The following CTDSPL2 variants were observed in gnomAD, a reference collection of about 807,000 sequenced individuals.
CTDSPL2 encodes CTD small phosphatase-like protein 2.
Under a neutral mutation model 60.0 loss-of-function variants are expected in CTDSPL2, and 5 were observed. The observed-to-expected ratio is 0.08, with a 90% confidence interval of 0.04 to 0.18. The LOEUF (loss-of-function observed/expected upper bound fraction) is 0.18. Among genes scored for constraint, CTDSPL2 ranks in the 10% least tolerant of loss-of-function variants. CTDSPL2 has a pLI of 1.00. For synonymous variants in CTDSPL2, 186 were observed against 189.3 expected (o/e 0.98, Z 0.14); for missense variants, 370 against 548.8 (o/e 0.67, Z 3.26).
intron 2 of CTDSPL2, among the ~76,000 whole-genome samples, chr15:44,461,386 T>C (rs2080565538): frequency 6.6e-6 from 1 of 152,114 alleles, no homozygotes; most frequent in Non-Finnish European, 1.5e-5. Context: ...GTGTATTCTA[T>C]ACTGTATTCT....
At chr15:44,443,317 A>G (rs768701649) in intron 1 of CTDSPL2, among the ~76,000 whole-genome samples, 1 of 152,220 alleles carries the variant, frequency 6.6e-6, no homozygotes, top group African/African-American at 2.4e-5. Flanking sequence ...ATTGGTGGAC[A>G]CTTCGATTGC....
chr15:44,479,369 G>GT (rs1338457886), intron 2 of CTDSPL2, among the ~76,000 whole-genome samples: 3 of 132,034 alleles, frequency 2.3e-5, no homozygotes, highest in Non-Finnish European at 3.3e-5. Context: ...TAGTTTCTGA[G>GT]TTTTTCTTCC....
At chr15:44,465,548 T>G (rs1292714208) in intron 2 of CTDSPL2, among the ~76,000 whole-genome samples, 1 of 152,134 alleles carries the variant, frequency 6.6e-6, no homozygotes, top group Non-Finnish European at 1.5e-5. Flanking sequence ...TCTGTTTTGT[T>G]TCTTCTTCTA....
chr15:44,448,419 T>C, intron 1 of CTDSPL2: 1 of 247,730 alleles, frequency 4.0e-6, no homozygotes, highest in South Asian at 5.2e-5. Flanking sequence ...GGCCCAGGCC[T>C]GGACTCATGC....
chr15:44,433,459 T>C lies in CTDSPL2; in HGVS notation c.-25+5687T>C, dbSNP rs537680090. On this transcript the variant is annotated intron_variant, in intron 1 of 12. Coordinates refer to ENST00000260327, the MANE Select transcript of CTDSPL2 (RefSeq NM_016396.3). ...TTTAAATGTTTTATATACATATATA[T>C]ACACACACACACACACACACACACA... Among the ~76,000 whole-genome samples the C allele has an allele frequency of 8.6e-4, 127 of 147,802 alleles. 1 individual carries two copies. The highest frequency in any genetic ancestry group is 1.7e-3 in the South Asian group (8 of 4,654).
rs372171888 is a variant in CTDSPL2 at position 44,459,312 on chromosome 15, G to C, written c.186+112G>C. 93 of 637,148 alleles carry C rather than the reference G, an allele frequency of 1.5e-4. No homozygotes were observed. In the African/African-American group the frequency reaches 1.7e-3, roughly 12 times the overall value. 39.5% of individuals were successfully genotyped at this position (637,148 alleles called of 1,614,324 possible). A position where few individuals can be genotyped will look rare whatever the true frequency, so the allele number is the denominator to read the frequency against. ...AGAGCCCCAGGCAGGTGGATCACGA[G>C]GTCAGGAGATCGAGACCATCCTGGC... On this transcript the variant is annotated intron_variant, in intron 2 of 12. Coordinates refer to ENST00000260327, the MANE Select transcript of CTDSPL2 (RefSeq NM_016396.3).
intron 2 of CTDSPL2, among the ~76,000 whole-genome samples, 198 bp from the exon 3 acceptor site, chr15:44,484,026 T>C (rs1156965131): frequency 6.6e-6 from 1 of 152,254 alleles, no homozygotes; most frequent in African/African-American, 2.4e-5. Context: ...ATTGTATTTG[T>C]ATATTGTAAT....
At chr15:44,502,240 A>G (rs1002615742) in intron 8 of CTDSPL2, among the ~76,000 whole-genome samples, 3 of 152,040 alleles carry the variant, frequency 2.0e-5, no homozygotes, top group African/African-American at 7.2e-5. Flanking sequence ...TGTTAGTTTT[A>G]TAGCATTTAC....
intron 8 of CTDSPL2, among the ~76,000 whole-genome samples, chr15:44,514,134 T>C (rs934512824): frequency 6.6e-6 from 1 of 152,204 alleles, no homozygotes; most frequent in African/African-American, 2.4e-5. Flanking sequence ...TACCTTGATA[T>C]AAATTTAAAA....
intron 2 of CTDSPL2, among the ~76,000 whole-genome samples, chr15:44,467,459 A>T (rs970111483): frequency 6.6e-6 from 1 of 152,080 alleles, no homozygotes; most frequent in African/African-American, 2.4e-5. Context: ...GTTATCTTTT[A>T]TTAGTTGGTG....
At chr15:44,465,648 G>T (rs2080670041) in intron 2 of CTDSPL2, among the ~76,000 whole-genome samples, 1 of 147,582 alleles carries the variant, frequency 6.8e-6, no homozygotes, top group Non-Finnish European at 1.5e-5. Flanking sequence ...GAACATTTTT[G>T]TTCAAAATCT....
chr15:44,475,303 G>A (rs763289370), intron 2 of CTDSPL2, among the ~76,000 whole-genome samples: 24 of 152,120 alleles, frequency 1.6e-4, no homozygotes, highest in Non-Finnish European at 3.4e-4. Context: ...TTATCTCTCT[G>A]ATATTGTTTA....
intron 1 of CTDSPL2, among the ~76,000 whole-genome samples, chr15:44,434,382 G>C (rs1428411462): frequency 2.6e-5 from 4 of 152,100 alleles, no homozygotes; most frequent in Non-Finnish European, 5.9e-5. Flanking sequence ...CCTGACGGCA[G>C]AGCAAGACTC....
At position 44,474,951 on chromosome 15, in the gene CTDSPL2, C is replaced by T. The variant is rs2080886039; in HGVS notation, c.187-9273C>T. ...CTTGCATAGCTAGCACAAATGTTAA[C>T]ACAAGTTGTTCTAGAATGGACTGAA... On this transcript the variant is annotated intron_variant, in intron 2 of 12. Coordinates refer to ENST00000260327, the MANE Select transcript of CTDSPL2 (RefSeq NM_016396.3). 2.6e-5 allele frequency among the ~76,000 whole-genome samples: 4 copies of T among 152,112 alleles called. No individual in the cohort carries two copies. In the South Asian group the frequency reaches 8.3e-4, roughly 32 times the overall value.
intron 2 of CTDSPL2, among the ~76,000 whole-genome samples, chr15:44,477,908 C>T (rs1339345066): frequency 6.6e-6 from 1 of 151,944 alleles, no homozygotes. Context: ...TGTTATTCAC[C>T]CAACGCATTT....
chr15:44,431,304 C>T (rs914018077), intron 1 of CTDSPL2, among the ~76,000 whole-genome samples: 1 of 152,152 alleles, frequency 6.6e-6, no homozygotes, highest in Non-Finnish European at 1.5e-5. Flanking sequence ...ATGTTAAAAC[C>T]GTTTAATTGC....
At chr15:44,433,469 C>A (rs996541664) in intron 1 of CTDSPL2, among the ~76,000 whole-genome samples, 1 of 151,200 alleles carries the variant, frequency 6.6e-6, no homozygotes, top group Non-Finnish European at 1.5e-5. Context: ...TACACACACA[C>A]ACACACACAC....
intron 1 of CTDSPL2, among the ~76,000 whole-genome samples, chr15:44,432,468 C>T (rs189195673): frequency 0.047 from 7,115 of 151,944 alleles, 322 homozygotes; most frequent in East Asian, 0.23. Flanking sequence ...TATAGGCACA[C>T]GCCACCATGC....
At chr15:44,478,786 A>C (rs997309936) in intron 2 of CTDSPL2, among the ~76,000 whole-genome samples, 2 of 152,098 alleles carry the variant, frequency 1.3e-5, no homozygotes, top group African/African-American at 4.8e-5. Flanking sequence ...GTTCAAGACC[A>C]GCCTGACCAA....
Sources: allele counts gnomAD v4.1 joint callset (sites outside exome capture counted in the v4.1 genomes callset), GRCh38; gene constraint gnomAD v4.1.1; transcripts MANE v1.5; gene names NCBI Gene and HGNC (gene_info 2026-07-23, HGNC 2026-07-21).